CDH2: variants seen among roughly 807,000 people sequenced by gnomAD.
CDH2 encodes cadherin 2, also known as cadherin-2.
In CDH2, 17 loss-of-function variants were observed where a neutral mutation model predicts 92.0. The observed-to-expected ratio is 0.18, with a 90% CI of 0.13 to 0.28. CDH2 has a LOEUF of 0.28. Ranked by LOEUF, CDH2 falls within the 10% of genes least tolerant of loss-of-function variation. The probability of loss-of-function intolerance (pLI) is 1.00; values close to 1 mark genes in which losing one functional copy is unlikely to be tolerated. For synonymous variants in CDH2, 419 were observed against 415.9 expected, an observed-to-expected ratio of 1.01 and a Z score of -0.09; for missense variants, 862 against 1,133.1, an observed-to-expected ratio of 0.76 and a Z score of 3.44.
At chr18:27,949,031 T>G (rs1909345229), downstream of CDH2, among the ~76,000 whole-genome samples, 2 of 151,928 alleles carry the variant, frequency 1.3e-5, no homozygotes, top group Admixed American at 6.6e-5. Context: ...CCATAAACCA[T>G]GTTGATAAAT....
intron 2 of CDH2, among the ~76,000 whole-genome samples, chr18:28,101,663 T>G (rs1305406776): frequency 2.6e-5 from 4 of 152,070 alleles, no homozygotes; most frequent in Non-Finnish European, 5.9e-5. Context: ...TGTGGATCAG[T>G]TTTAAAAAAG....
Position 28,150,437 on chromosome 18 carries a change from C to T in CDH2, c.61-2653G>A, listed in dbSNP as rs1490198175. Among the ~76,000 whole-genome samples the T allele has an allele frequency of 3.9e-5, 6 of 152,292 alleles. No individual in the cohort carries two copies. The East Asian group carries it at 9.7e-4, about 25-fold the overall frequency. Reference sequence around the variant, plus strand: ...ATCTGCCCTAAGGCAGGAGAATCAGCGGCACCAAGTTCCTGGTCCAAACCC... The same window carrying T: ...ATCTGCCCTAAGGCAGGAGAATCAGTGGCACCAAGTTCCTGGTCCAAACCC... On this transcript the variant is annotated intron_variant, in intron 1 of 15. Coordinates refer to ENST00000269141, the MANE Select transcript of CDH2 (RefSeq NM_001792.5).
Position 28,013,975 on chromosome 18 carries a change from T to C in CDH2, c.173-66A>G. On this transcript the variant is annotated intron_variant, in intron 2 of 15. Transcript: ENST00000269141. ...CAAAAAGGCAAAAAAAAACCCCTAA[T>C]ACTTAAACCTATATCCTGCTTAGGT... 4 of 1,055,922 alleles carry C rather than the reference T, an allele frequency of 3.8e-6. No individual in the cohort carries two copies. The South Asian group carries it at 4.2e-5, about 11-fold the overall frequency. 65.4% of individuals were successfully genotyped at this position (1,055,922 alleles called of 1,614,324 possible).
rs1567976503 is a variant in CDH2, at chr18:28,043,495, A to ATATATATAT, written c.173-29587_173-29586insATATATATA. ...ATATATATATATATATATATATATAAATATATATATATATATATATAAACA... is the reference window on the plus strand; with the variant it reads ...ATATATATATATATATATATATATAATATATATATATATATATATATATATATATAAACA... On this transcript the variant is annotated intron_variant, in intron 2 of 15. Coordinates refer to ENST00000269141, the MANE Select transcript of CDH2 (RefSeq NM_001792.5). 7.4e-4 allele frequency among the ~76,000 whole-genome samples: 65 copies of ATATATATAT among 87,328 alleles called. 2 individuals carry two copies. The highest frequency in any genetic ancestry group is 1.2e-3 in the African/African-American group (24 of 20,690). The allele number at this position is 87,328 out of a possible 152,430, so 57.3% of individuals were successfully genotyped here. A position where few individuals can be genotyped will look rare whatever the true frequency, so the allele number is the denominator to read the frequency against.
At chr18:27,938,151 T>G (rs1909061335) in intron 6 of CDH2, among the ~76,000 whole-genome samples, 1 of 152,042 alleles carries the variant, frequency 6.6e-6, no homozygotes, top group African/African-American at 2.4e-5. Context: ...TCATGTGAAG[T>G]GCTGGCTCCC....
At chr18:28,079,784 T>C (rs968699400) in intron 2 of CDH2, among the ~76,000 whole-genome samples, 1 of 152,194 alleles carries the variant, frequency 6.6e-6, no homozygotes, top group African/African-American at 2.4e-5. Context: ...TTCTAGCATG[T>C]GTAGTGGGTC....
intron 14 of CDH2, among the ~76,000 whole-genome samples, chr18:27,981,968 T>C (rs560761329): frequency 1.3e-3 from 194 of 152,306 alleles, no homozygotes; most frequent in African/African-American, 4.3e-3. Context: ...GCCCATATAA[T>C]TTCAAGAGAA....
At chr18:28,166,172 ATG>A (rs74171380) in intron 1 of CDH2, among the ~76,000 whole-genome samples, 8 of 136,960 alleles carry the variant, frequency 5.8e-5, no homozygotes, top group Non-Finnish European at 9.5e-5. Context: ...ATATATATAT[ATG>A]TCTGTATTTT....
intron 15 of CDH2, among the ~76,000 whole-genome samples, chr18:27,956,523 C>G (rs2011250217): frequency 6.6e-6 from 1 of 152,178 alleles, no homozygotes; most frequent in Admixed American, 6.5e-5. Flanking sequence ...ATTCTGTCTT[C>G]TACAGTCCTA....
At position 28,147,804 on chromosome 18, in the gene CDH2, A is replaced by G. The variant is rs2144327611; in HGVS notation, c.61-20T>C. ...AGACGCCTGCAACACAAGAAAAAAA[A>G]AAAAAATGTGTGCAATGATTGCTAC... On this transcript the variant is annotated intron_variant, in intron 1 of 15. Coordinates refer to ENST00000269141, the MANE Select transcript of CDH2 (RefSeq NM_001792.5). The G allele has an allele frequency of 1.4e-6, 2 of 1,411,796 alleles. No individual in the cohort carries two copies. The highest frequency in any genetic ancestry group is 9.9e-7 in the Non-Finnish European group (1 of 1,014,744). 87.5% of individuals were successfully genotyped at this position (1,411,796 alleles called of 1,614,324 possible). A position where few individuals can be genotyped will look rare whatever the true frequency, so the allele number is the denominator to read the frequency against.
chr18:27,937,173 A>C lies in CDH2; in HGVS notation c.1152-4049T>G, dbSNP rs140875854. Among the ~76,000 whole-genome samples, 6 of 152,304 alleles carry C rather than the reference A, an allele frequency of 3.9e-5. No individual in the cohort carries two copies. The East Asian group carries it at 5.8e-4, about 15-fold the overall frequency. On this transcript the variant is annotated intron_variant, in intron 6 of 6. Coordinates refer to the CDH2 transcript ENST00000675173. The stretch of plus-strand genomic sequence containing the variant: ...ATTAAAAGCTTGAAATTTTACCAAA[A>C]CATGCAAAATTTACAACTGAAGTTT...
At chr18:27,963,736 C>G in intron 14 of CDH2, 1 of 531,270 alleles carries the variant, frequency 1.9e-6, no homozygotes, top group Non-Finnish European at 3.4e-6. Flanking sequence ...TGTGCTCCAT[C>G]TGCTTTACAA....
rs550744614 is a variant in CDH2, at chr18:28,154,404, G to A, written c.61-6620C>T. Among the ~76,000 whole-genome samples the A allele has an allele frequency of 3.9e-5, 6 of 152,300 alleles. No homozygotes were observed. In the South Asian group the frequency reaches 1.0e-3, roughly 26 times the overall value. On this transcript the variant is annotated intron_variant, in intron 1 of 15. Transcript: ENST00000269141. ...TCATTTAGTGCCGCTCTGTGCTCTC[G>A]CACAATCAGCTCACCTATCTTGAGT...
intron 10 of CDH2, among the ~76,000 whole-genome samples, chr18:27,989,771 C>T (rs1567952074): frequency 6.6e-6 from 1 of 152,074 alleles, no homozygotes; most frequent in African/African-American, 2.4e-5. Context: ...TGAAAGTTCC[C>T]TGCGGAACCT....
chr18:28,068,651 A>C (rs1172273191), intron 2 of CDH2, among the ~76,000 whole-genome samples: 1 of 152,204 alleles, frequency 6.6e-6, no homozygotes, highest in Non-Finnish European at 1.5e-5. Flanking sequence ...TTGACACTTG[A>C]TGTTCACATA....
intron 15 of CDH2, among the ~76,000 whole-genome samples, chr18:27,953,977 C>CA (rs1909589700): frequency 6.6e-6 from 1 of 152,090 alleles, no homozygotes; most frequent in Admixed American, 6.6e-5. Context: ...TGACTCACGT[C>CA]AAAAATCAGA....
chr18:28,114,523 C>T (rs952371646), intron 2 of CDH2, among the ~76,000 whole-genome samples: 3 of 152,076 alleles, frequency 2.0e-5, no homozygotes, highest in African/African-American at 7.2e-5. Flanking sequence ...TAAACTTATA[C>T]TTGAATTTTT....
chr18:28,125,984 G>A (rs1005637542), intron 2 of CDH2, among the ~76,000 whole-genome samples: 1 of 152,036 alleles, frequency 6.6e-6, no homozygotes, highest in Non-Finnish European at 1.5e-5. Context: ...ATTTTTACAG[G>A]AAAAGAGTCT....
At position 28,072,696 on chromosome 18, in the gene CDH2, C is replaced by T. The variant is rs12326932; in HGVS notation, c.173-58787G>A. ...ATAAAACACAGGAAGGCTTTCTGAG[C>T]TTTATGATGTACTTCCTATTCCAAT... On this transcript the variant is annotated intron_variant, in intron 2 of 15. Transcript: ENST00000269141. Among the ~76,000 whole-genome samples, 445 of 152,328 alleles carry T rather than the reference C, an allele frequency of 2.9e-3. 2 individuals are homozygous for T. The highest frequency in any genetic ancestry group is 0.01 in the African/African-American group (424 of 41,576).
Sources: allele counts gnomAD v4.1 joint callset (sites outside exome capture counted in the v4.1 genomes callset), GRCh38; gene constraint gnomAD v4.1.1; transcripts MANE v1.5; gene names NCBI Gene and HGNC (gene_info 2026-07-23, HGNC 2026-07-21).